The following MICAL2 variants were observed in gnomAD, a reference collection of about 807,000 sequenced individuals.
MICAL2 encodes [F-actin]-monooxygenase MICAL2.
MICAL2 carries 77 observed loss-of-function variants against 127.3 expected under a neutral mutation model. That is an observed-to-expected ratio of 0.60 (90% CI 0.50 to 0.73). MICAL2 has a LOEUF of 0.73. Among genes scored for constraint, MICAL2 ranks in the 30% least tolerant of loss-of-function variants. MICAL2 has a pLI of 0.00. For synonymous variants in MICAL2, 570 were observed against 551.1 expected, an observed-to-expected ratio of 1.03 and a Z score of -0.48; for missense variants, 1,351 against 1,434.4, an observed-to-expected ratio of 0.94 and a Z score of 0.94.
At chr11:12,281,743 G>C (rs918409503) in intron 2 of MICAL2, among the ~76,000 whole-genome samples, 1 of 152,226 alleles carries the variant, frequency 6.6e-6, no homozygotes, top group Non-Finnish European at 1.5e-5. Flanking sequence ...GTGGTCTCCC[G>C]AAGTCTCAGC....
chr11:12,329,742 A>C (rs1864393180), intron 32 of MICAL2, among the ~76,000 whole-genome samples: 1 of 152,142 alleles, frequency 6.6e-6, no homozygotes. Flanking sequence ...ACAAAATATT[A>C]CTAAGTATCC....
At chr11:12,255,437 G>A in intron 22 of MICAL2, 1 of 566,248 alleles carries the variant, frequency 1.8e-6, no homozygotes, top group East Asian at 2.9e-5. Context: ...TGTTTTTGCG[G>A]CCACAGGGTT....
intron 29 of MICAL2, among the ~76,000 whole-genome samples, chr11:12,300,974 C>T (rs575239979): frequency 9.9e-5 from 15 of 152,268 alleles, no homozygotes; most frequent in South Asian, 2.1e-4. Flanking sequence ...AAGACATACT[C>T]GAGACTGGGA....
exon 3 of MICAL2, chr11:12,287,087 C>T: frequency 2.5e-6 from 1 of 398,992 alleles, no homozygotes; most frequent in Non-Finnish European, 4.4e-6. Context: ...TTTTCCACAG[C>T]AGCTCTGCAA....
At position 12,204,131 on chromosome 11, in the gene MICAL2, G is replaced by A. The variant is rs1854371740; in HGVS notation, c.265-119G>A. On this transcript the variant is annotated intron_variant, in intron 3 of 27. Transcript: ENST00000683283. ...ACAGGCCCTAACAGGTACACAGCTT[G>A]CACTTGCTGGTTGGTTCAGGAAGAG... is the stretch of plus-strand genomic sequence containing the variant. The A allele has an allele frequency of 3.3e-6, 3 of 898,078 alleles. No individual in the cohort carries two copies. In the South Asian group the frequency reaches 4.7e-5, roughly 14 times the overall value. The allele number at this position is 898,078 out of a possible 1,614,324, so 55.6% of individuals were successfully genotyped here.
intron 1 of MICAL2, among the ~76,000 whole-genome samples, chr11:12,136,337 G>T (rs1271138599): frequency 6.6e-6 from 1 of 152,196 alleles, no homozygotes; most frequent in East Asian, 1.9e-4. Context: ...TGCTAATCGA[G>T]ACTTTGGGTG....
chr11:12,244,063 C>T lies in MICAL2; in HGVS notation c.2735C>T (p.Ala912Val). 2 of 1,614,234 alleles carry T rather than the reference C, an allele frequency of 1.2e-6. No homozygotes were observed. The highest frequency in any genetic ancestry group is 8.5e-7 in the Non-Finnish European group (1 of 1,180,028). Residue 912 changes from alanine (A) to valine (V), a missense_variant, in exon 21 of 28, where the codon GCT becomes GTT. Transcript: ENST00000683283. ...PPSRLPSPDP[A>V]ASSSPSTVDS... The stretch of plus-strand genomic sequence containing the variant: ...TCTCGCCTTCCGTCTCCTGATCCAG[C>T]TGCTTCTTCCTCTCCATCAACTGTT...
At chr11:12,203,842 C>T (rs1854329713) in intron 3 of MICAL2, among the ~76,000 whole-genome samples, 1 of 152,086 alleles carries the variant, frequency 6.6e-6, no homozygotes, top group Non-Finnish European at 1.5e-5. Context: ...AATTCAAGAC[C>T]ACAAAGATGT....
At chr11:12,293,924 G>A (rs1863938184), downstream of MICAL2, 1 of 1,612,704 alleles carries the variant, frequency 6.2e-7, no homozygotes, top group African/African-American at 1.3e-5. Context: ...CAGGAAGGAA[G>A]AAGAGGGAGG....
At chr11:12,240,761 A>G (rs1859806590) in intron 17 of MICAL2, among the ~76,000 whole-genome samples, 1 of 152,214 alleles carries the variant, frequency 6.6e-6, no homozygotes, top group Non-Finnish European at 1.5e-5. Flanking sequence ...GTGCCTGCTT[A>G]AGGCCCTGTG....
intron 32 of MICAL2, among the ~76,000 whole-genome samples, chr11:12,332,183 G>C (rs1938650777): frequency 6.6e-6 from 1 of 152,288 alleles, no homozygotes; most frequent in East Asian, 1.9e-4. Context: ...ATGGGTTTTA[G>C]GAAATAGATA....
chr11:12,249,131 C>T (rs554550229), intron 21 of MICAL2, 53 bp from the exon 22 acceptor site: 39 of 1,608,182 alleles, frequency 2.4e-5, no homozygotes, highest in Non-Finnish European at 3.1e-5. Flanking sequence ...GAAGAGAATT[C>T]GGAAAGAAAG....
chr11:12,340,485 G>C (rs550611954), intron 32 of MICAL2, among the ~76,000 whole-genome samples: 4 of 152,336 alleles, frequency 2.6e-5, no homozygotes, highest in African/African-American at 9.6e-5. Flanking sequence ...GCTTTAGGCT[G>C]TGAAGTTGAA....
rs1347010714 is a variant in MICAL2, at chr11:12,338,864, C to G, written c.5516-10974C>G. Among the ~76,000 whole-genome samples, 5 of 152,294 alleles carry G rather than the reference C, an allele frequency of 3.3e-5. No individual in the cohort carries two copies. In the East Asian group the frequency reaches 9.6e-4, roughly 29 times the overall value. On this transcript the variant is annotated intron_variant, in intron 32 of 34. Transcript: ENST00000646065. ...GGCCTCCCTTTGTGGGTAACCTGACCTTTCTCTCTGGCTGCCCTTAACATT... is the reference window on the plus strand; with the variant it reads ...GGCCTCCCTTTGTGGGTAACCTGACGTTTCTCTCTGGCTGCCCTTAACATT...
intron 9 of MICAL2, 74 bp downstream of exon 9, chr11:12,220,532 C>G: frequency 6.4e-7 from 1 of 1,552,198 alleles, no homozygotes; most frequent in Non-Finnish European, 8.7e-7. Flanking sequence ...CAGGCAGTAT[C>G]TGCTGTTGTG....
chr11:12,203,531 T>C (rs886410744), intron 3 of MICAL2, among the ~76,000 whole-genome samples: 4 of 152,250 alleles, frequency 2.6e-5, no homozygotes, highest in Admixed American at 2.6e-4. Flanking sequence ...CATCTTTTCA[T>C]GTACTTAGTG....
chr11:12,260,426 A>AT (rs902367419), intron 26 of MICAL2: 5 of 1,214,662 alleles, frequency 4.1e-6, no homozygotes, highest in East Asian at 3.5e-5. Context: ...TTACATTTCA[A>AT]TTTTTTTAAT....
chr11:12,199,469 G>A (rs550805250), intron 3 of MICAL2, among the ~76,000 whole-genome samples: 17 of 152,152 alleles, frequency 1.1e-4, no homozygotes, highest in Admixed American at 2.6e-4. Flanking sequence ...GGCAGGATTC[G>A]GAAGTGGAAA....
intron 15 of MICAL2, among the ~76,000 whole-genome samples, chr11:12,235,081 G>A (rs890429243): frequency 1.3e-5 from 2 of 152,200 alleles, no homozygotes; most frequent in Non-Finnish European, 2.9e-5. Context: ...GCCATTTGGA[G>A]AAGGCTCCCG....
Sources: gnomAD v4.1 joint callset for allele counts (sites outside exome capture counted in the v4.1 genomes callset) on GRCh38, gnomAD v4.1.1 for gene constraint, MANE v1.5 for transcripts, NCBI Gene and HGNC (gene_info 2026-07-23, HGNC 2026-07-21) for gene names.